COL25A1: variants seen among roughly 807,000 people sequenced by gnomAD.
COL25A1 encodes the protein collagen type XXV alpha 1 chain.
COL25A1 carries 103 observed loss-of-function variants against 128.4 expected under a neutral mutation model. The observed-to-expected ratio is 0.80, with a 90% CI of 0.68 to 0.94. The LOEUF (loss-of-function observed/expected upper bound fraction) is 0.94, where lower values mean the gene tolerates loss of function less well. Among genes scored for constraint, COL25A1 ranks in the 40% least tolerant of loss-of-function variants. COL25A1 has a pLI of 0.00. For missense variants in COL25A1, 745 were observed against 840.0 expected, an observed-to-expected ratio of 0.89 and a Z score of 1.40; for synonymous variants, 279 against 277.2, an observed-to-expected ratio of 1.01 and a Z score of -0.06.
chr4:109,121,141 T>C (rs148525660), intron 3 of COL25A1, among the ~76,000 whole-genome samples: 192 of 152,150 alleles, frequency 1.3e-3, no homozygotes, highest in African/African-American at 4.5e-3. Context: ...CCAGAATAAC[T>C]AACTCAATAC....
At chr4:109,130,017 AAG>A (rs1449591611) in intron 3 of COL25A1, among the ~76,000 whole-genome samples, 61 of 142,928 alleles carry the variant, frequency 4.3e-4, no homozygotes, top group African/African-American at 2.2e-4. Context: ...AAAAAAAAAA[AAG>A]AATAAAAGAA....
At chr4:108,953,077 T>C (rs1316947871) in intron 8 of COL25A1, among the ~76,000 whole-genome samples, 1 of 152,120 alleles carries the variant, frequency 6.6e-6, no homozygotes, top group Non-Finnish European at 1.5e-5. Context: ...CTGTACTTCC[T>C]TGTATACCTC....
chr4:108,883,717 T>C (rs1233628521), intron 19 of COL25A1, among the ~76,000 whole-genome samples: 1 of 152,168 alleles, frequency 6.6e-6, no homozygotes, highest in Non-Finnish European at 1.5e-5. Context: ...TACTTTGCAG[T>C]GATAATTACT....
intron 12 of COL25A1, 135 bp from the exon 13 acceptor site, chr4:108,918,351 G>T (rs1745106992): frequency 3.8e-6 from 2 of 523,226 alleles, no homozygotes; most frequent in Admixed American, 3.7e-5. Flanking sequence ...TATCCACTGT[G>T]TTCAAATATA....
At chr4:109,201,644 T>C (rs1776565078) in intron 3 of COL25A1, among the ~76,000 whole-genome samples, 1 of 151,970 alleles carries the variant, frequency 6.6e-6, no homozygotes, top group Non-Finnish European at 1.5e-5. Context: ...ACTAATACAA[T>C]AAGACAAGGA....
intron 3 of COL25A1, among the ~76,000 whole-genome samples, chr4:109,211,682 A>G (rs887344764): frequency 6.6e-6 from 1 of 152,122 alleles, no homozygotes; most frequent in African/African-American, 2.4e-5. Flanking sequence ...GATGCCTATG[A>G]AAGATTTTAG....
chr4:108,967,351 C>G (rs879623773), intron 8 of COL25A1, among the ~76,000 whole-genome samples: 8 of 152,134 alleles, frequency 5.3e-5, no homozygotes, highest in Non-Finnish European at 8.8e-5. Flanking sequence ...GATAGGGAAG[C>G]AGTCTTGTTC....
intron 3 of COL25A1, among the ~76,000 whole-genome samples, chr4:109,192,737 C>T (rs1775720282): frequency 6.6e-6 from 1 of 151,962 alleles, no homozygotes; most frequent in South Asian, 2.1e-4. Context: ...ACCTGTAGTA[C>T]CAGCTACTCA....
At chr4:109,038,297 CT>C (rs1759545148) in intron 5 of COL25A1, among the ~76,000 whole-genome samples, 1 of 152,096 alleles carries the variant, frequency 6.6e-6, no homozygotes, top group African/African-American at 2.4e-5. Context: ...ATTTGAAGGC[CT>C]TAAGAACAAA....
chr4:108,997,630 T>C (rs144799191), intron 6 of COL25A1, among the ~76,000 whole-genome samples: 9,158 of 152,274 alleles, frequency 0.06, 347 homozygotes, highest in Non-Finnish European at 0.088. Flanking sequence ...TTTATGAGGC[T>C]AGCATCATCC....
intron 8 of COL25A1, among the ~76,000 whole-genome samples, chr4:108,950,754 A>C (rs977592831): frequency 6.6e-6 from 1 of 152,180 alleles, no homozygotes; most frequent in South Asian, 2.1e-4. Context: ...TAAAACATGC[A>C]TTCCTTCGTG....
intron 3 of COL25A1, among the ~76,000 whole-genome samples, chr4:109,137,167 C>A (rs1306601929): frequency 6.6e-6 from 1 of 152,150 alleles, no homozygotes; most frequent in Non-Finnish European, 1.5e-5. Context: ...TGTTAAAGAA[C>A]TGGGTCGAGC....
At position 109,025,476 on chromosome 4, in the gene COL25A1, T is replaced by C. The variant is rs559100578; in HGVS notation, c.421-15101A>G. 6.6e-5 allele frequency among the ~76,000 whole-genome samples: 10 copies of C among 152,308 alleles called. No homozygotes were observed. The South Asian group carries it at 2.1e-3, about 32-fold the overall frequency. ...TAAATTTATATGTGCCCAATTCTGA[T>C]TTTCTAAATATTGTGCACAAAGACA... On this transcript the variant is annotated intron_variant, in intron 5 of 37. Transcript: ENST00000399132.
At chr4:108,951,426 T>C (rs1749418504) in intron 8 of COL25A1, among the ~76,000 whole-genome samples, 1 of 151,420 alleles carries the variant, frequency 6.6e-6, no homozygotes, top group Non-Finnish European at 1.5e-5. Flanking sequence ...TGCTCTGTCA[T>C]GGAGGCTGGA....
At chr4:109,277,386 A>C (rs2126271226) in intron 3 of COL25A1, among the ~76,000 whole-genome samples, 1 of 152,280 alleles carries the variant, frequency 6.6e-6, no homozygotes, top group South Asian at 2.1e-4. Flanking sequence ...CAGTTGCTTC[A>C]AGTAATTAGC....
intron 3 of COL25A1, among the ~76,000 whole-genome samples, chr4:109,135,507 A>G (rs1769649398): frequency 1.3e-5 from 2 of 152,148 alleles, no homozygotes; most frequent in African/African-American, 4.8e-5. Context: ...TTAGAAGCAA[A>G]TATACTAGAC....
At chr4:109,003,497 A>G (rs1456129116) in intron 6 of COL25A1, among the ~76,000 whole-genome samples, 1 of 152,218 alleles carries the variant, frequency 6.6e-6, no homozygotes, top group Non-Finnish European at 1.5e-5. Flanking sequence ...AATTCTCATT[A>G]CTTCTAGTTT....
intron 3 of COL25A1, among the ~76,000 whole-genome samples, chr4:109,173,985 AT>A (rs1245586269): frequency 6.6e-6 from 1 of 152,078 alleles, no homozygotes; most frequent in Non-Finnish European, 1.5e-5. Flanking sequence ...AGCACTTCAG[AT>A]TTTGGATTTT....
chr4:108,818,880 AAG>A (rs1465237153), intron 36 of COL25A1, among the ~76,000 whole-genome samples: 1 of 151,934 alleles, frequency 6.6e-6, no homozygotes, highest in African/African-American at 2.4e-5. Context: ...TTTAGAGAAA[AAG>A]AAAAAAAGTC....
Sources: allele counts gnomAD v4.1 joint callset (sites outside exome capture counted in the v4.1 genomes callset), GRCh38; gene constraint gnomAD v4.1.1; transcripts MANE v1.5; gene names NCBI Gene and HGNC (gene_info 2026-07-23, HGNC 2026-07-21).